SH3PXD2B: variants seen among roughly 807,000 people sequenced by gnomAD.
SH3PXD2B encodes SH3 and PX domain-containing protein 2B.
SH3PXD2B carries 37 observed loss-of-function variants against 73.1 expected under a neutral mutation model. That is an observed-to-expected ratio of 0.51 (90% CI 0.39 to 0.67). The LOEUF (loss-of-function observed/expected upper bound fraction) is 0.67, where lower values mean the gene tolerates loss of function less well. Ranked by LOEUF, SH3PXD2B falls within the 30% of genes least tolerant of loss-of-function variation. SH3PXD2B has a pLI of 0.00. For synonymous variants in SH3PXD2B, 457 were observed against 480.5 expected, an observed-to-expected ratio of 0.95 and a Z score of 0.64; for missense variants, 1,053 against 1,197.8, an observed-to-expected ratio of 0.88 and a Z score of 1.78.
intron 8 of SH3PXD2B, among the ~76,000 whole-genome samples, chr5:172,354,584 G>C (rs753706620): frequency 1.3e-5 from 2 of 152,210 alleles, no homozygotes; most frequent in Non-Finnish European, 1.5e-5. Context: ...CACAGAGGAG[G>C]TTAAGCTGTC....
intron 3 of SH3PXD2B, among the ~76,000 whole-genome samples, chr5:172,397,868 G>A (rs767945734): frequency 1.3e-5 from 2 of 152,228 alleles, no homozygotes; most frequent in Non-Finnish European, 1.5e-5. Flanking sequence ...TCCAAAGCAT[G>A]AAAGGATTAC....
At chr5:172,360,251 G>T (rs2113315232) in intron 7 of SH3PXD2B, among the ~76,000 whole-genome samples, 1 of 152,354 alleles carries the variant, frequency 6.6e-6, no homozygotes, top group Admixed American at 6.5e-5. Context: ...TGATGTGTCA[G>T]ATACTGTCCC....
chr5:172,372,839 T>A (rs1399643558), intron 6 of SH3PXD2B, among the ~76,000 whole-genome samples: 1 of 152,082 alleles, frequency 6.6e-6, no homozygotes, highest in Non-Finnish European at 1.5e-5. Context: ...CCTAGGAAAT[T>A]AAAGAGCGCT....
chr5:172,392,619 C>CA (rs566564799), intron 4 of SH3PXD2B, among the ~76,000 whole-genome samples: 12,236 of 116,602 alleles, frequency 0.1, 944 homozygotes, highest in African/African-American at 0.24. Flanking sequence ...ACTAAAAATA[C>CA]AAAAAAAAAA....
In SH3PXD2B at chr5:172,338,504, G is replaced by A; in HGVS notation, c.2601C>T (p.Thr867=). The change falls in exon 13 of 13, where the codon ACC becomes ACT. Residue 867 remains threonine (T), a synonymous_variant. Transcript: ENST00000311601. This position sits in a 1 kb window ranked among gnomAD's most constrained non-coding sequence, Gnocchi z 5.1. ...ACACTGTCCCTTCCTGGAAGCTGCT[G>A]GTGTCTTTGTCTCCTTCAAAGTCGG... ...AVADFEGDKD[T]SSFQEGTVFE... is the part of the protein sequence containing the mutation. The A allele has an allele frequency of 6.2e-7, 1 of 1,614,188 alleles. No homozygotes were observed. Among genetic ancestry groups the A allele is most frequent in the Non-Finnish European group, 8.5e-7 (1 of 1,180,042 alleles).
rs1756677513 is a variant in SH3PXD2B, at chr5:172,335,827, A to G, written c.*2542T>C. On this transcript the variant is annotated 3_prime_UTR_variant, in exon 13 of 13. Coordinates refer to ENST00000311601, the MANE Select transcript of SH3PXD2B (RefSeq NM_001017995.3). Reference sequence around the variant, plus strand: ...ACCATTGTAGGAAAAGGAGCTGGATACAGACGTCCTCAGGCCATAGATATG... The same window carrying G: ...ACCATTGTAGGAAAAGGAGCTGGATGCAGACGTCCTCAGGCCATAGATATG... 1 of 1,229,346 alleles carries G rather than the reference A, an allele frequency of 8.1e-7. No individual in the cohort carries two copies. Among genetic ancestry groups the G allele is most frequent in the Non-Finnish European group, 1.0e-6 (1 of 987,066 alleles). 76.2% of individuals were successfully genotyped at this position (1,229,346 alleles called of 1,614,324 possible). A position where few individuals can be genotyped will look rare whatever the true frequency, so the allele number is the denominator to read the frequency against.
intron 4 of SH3PXD2B, among the ~76,000 whole-genome samples, chr5:172,389,289 C>T (rs761737248): frequency 7.9e-5 from 12 of 151,774 alleles, no homozygotes; most frequent in East Asian, 5.8e-4. Context: ...CTCCTGACCT[C>T]GTGATCTGCC....
chr5:172,434,782 G>GTTTTTGTTTTTTTGTTTTTTTTT (rs1554087271), intron 1 of SH3PXD2B, among the ~76,000 whole-genome samples: 17 of 66,332 alleles, frequency 2.6e-4, no homozygotes, highest in African/African-American at 7.8e-4. Flanking sequence ...ATGGCCAATG[G>GTTTTTGTTTTTTTGTTTTTTTTT]TTTTTTTTTT....
At position 172,335,379 on chromosome 5, in the gene SH3PXD2B, C is replaced by A; in HGVS notation, c.*2990G>T. ...TGATTCCCTGGAAGCCCTCCGCACA[C>A]TTCCCTGCTAATGGCAGAGAAAAGT... On this transcript the variant is annotated 3_prime_UTR_variant, in exon 13 of 13. Transcript: ENST00000311601. 1 of 1,222,032 alleles carries A rather than the reference C, an allele frequency of 8.2e-7. No homozygotes were observed. The highest frequency in any genetic ancestry group is 1.0e-6 in the Non-Finnish European group (1 of 982,356). 75.7% of individuals were successfully genotyped at this position (1,222,032 alleles called of 1,614,324 possible). A position where few individuals can be genotyped will look rare whatever the true frequency, so the allele number is the denominator to read the frequency against.
intron 1 of SH3PXD2B, among the ~76,000 whole-genome samples, chr5:172,438,895 C>T (rs752207918): frequency 3.7e-4 from 55 of 149,346 alleles, no homozygotes; most frequent in Admixed American, 1.0e-3. Flanking sequence ...ACAGCATCCA[C>T]GTAAAGTAAA....
At chr5:172,345,159 C>CTA (rs1354620458) in intron 12 of SH3PXD2B, among the ~76,000 whole-genome samples, 1 of 147,468 alleles carries the variant, frequency 6.8e-6, no homozygotes, top group Non-Finnish European at 1.5e-5. Context: ...GGCAGGCAGG[C>CTA]TATAGTCCTT....
At chr5:172,355,568 G>C (rs868665403) in intron 8 of SH3PXD2B, among the ~76,000 whole-genome samples, 1 of 150,050 alleles carries the variant, frequency 6.7e-6, no homozygotes, top group Non-Finnish European at 1.5e-5. Flanking sequence ...TTTTTTAGAC[G>C]GATTCTCGCT....
chr5:172,403,522 A>G (rs1758482627), intron 3 of SH3PXD2B, among the ~76,000 whole-genome samples: 1 of 152,108 alleles, frequency 6.6e-6, no homozygotes, highest in African/African-American at 2.4e-5. Flanking sequence ...CCAAGCCACA[A>G]GTGGGTGCCT....
In SH3PXD2B at chr5:172,333,744, G is replaced by A. The variant is rs371877979; in HGVS notation, c.*4625C>T. The A allele has an allele frequency of 8.3e-5, 107 of 1,289,392 alleles. No individual in the cohort carries two copies. The highest frequency in any genetic ancestry group is 9.7e-5 in the Non-Finnish European group (96 of 988,826). 79.9% of individuals were successfully genotyped at this position (1,289,392 alleles called of 1,614,324 possible). ...CCAGCGTCATCCTATGAGCAGACAC[G>A]AGGTGGTGGGCAGTGCCCACTGTTC... On this transcript the variant is annotated 3_prime_UTR_variant, in exon 13 of 13. Transcript: ENST00000311601.
intron 7 of SH3PXD2B, among the ~76,000 whole-genome samples, chr5:172,360,108 A>G (rs1442588028): frequency 1.3e-5 from 2 of 152,210 alleles, no homozygotes; most frequent in African/African-American, 4.8e-5. Flanking sequence ...ACTATTAGAT[A>G]ATAAATATGT....
Position 172,336,412 on chromosome 5 carries a change from G to A in SH3PXD2B, c.*1957C>T. 1.0e-6 allele frequency: 1 copy of A among 985,920 alleles called. No individual in the cohort carries two copies. Among genetic ancestry groups the A allele is most frequent in the Non-Finnish European group, 1.2e-6 (1 of 830,004 alleles). The allele number at this position is 985,920 out of a possible 1,614,324, so 61.1% of individuals were successfully genotyped here. On this transcript the variant is annotated 3_prime_UTR_variant, in exon 13 of 13. Transcript: ENST00000311601. ...CTCTGGGCACAGGGCCAAGTGGCAA[G>A]TGGGCCCTGCCCAAGCCTCTCTGGG...
At position 172,334,838 on chromosome 5, in the gene SH3PXD2B, T is replaced by G. The variant is rs1756649184; in HGVS notation, c.*3531A>C. 1.0e-6 allele frequency: 1 copy of G among 985,278 alleles called. No homozygotes were observed. Among genetic ancestry groups the G allele is most frequent in the South Asian group, 4.7e-5 (1 of 21,274 alleles). The allele number at this position is 985,278 out of a possible 1,614,324, so 61.0% of individuals were successfully genotyped here. ...ACTTGCTCTTTAACGTGGCATATGTTCCCCCATCTTCCACCTGGTAATGAA... is the reference window on the plus strand; with the variant it reads ...ACTTGCTCTTTAACGTGGCATATGTGCCCCCATCTTCCACCTGGTAATGAA... On this transcript the variant is annotated 3_prime_UTR_variant, in exon 13 of 13. Coordinates refer to ENST00000311601, the MANE Select transcript of SH3PXD2B (RefSeq NM_001017995.3).
At chr5:172,446,630 T>C (rs1257311266) in intron 1 of SH3PXD2B, among the ~76,000 whole-genome samples, 2 of 152,192 alleles carry the variant, frequency 1.3e-5, no homozygotes, top group Non-Finnish European at 2.9e-5. Context: ...ACTGGGCTGC[T>C]TGCCGACTTG....
At chr5:172,349,083 C>T (rs1175581267) in intron 10 of SH3PXD2B, among the ~76,000 whole-genome samples, 1 of 152,186 alleles carries the variant, frequency 6.6e-6, no homozygotes, top group Admixed American at 6.5e-5. Context: ...AATGGGAATA[C>T]ATCTAACCTC....
Sources: gnomAD v4.1 joint callset for allele counts (sites outside exome capture counted in the v4.1 genomes callset) on GRCh38, gnomAD v4.1.1 for gene constraint, Gnocchi (gnomAD v3.1) non-coding constraint, MANE v1.5 for transcripts, NCBI Gene and HGNC (gene_info 2026-07-23, HGNC 2026-07-21) for gene names.